Variants in LPP observed in about 807,000 individuals in gnomAD.
The protein encoded by LPP is LIM domain containing preferred translocation partner in lipoma, also known as lipoma-preferred partner.
A neutral mutation model predicts 60.4 loss-of-function variants in LPP; 38 were observed. That is an observed-to-expected ratio of 0.63 (90% CI 0.49 to 0.83). The LOEUF (loss-of-function observed/expected upper bound fraction) is 0.83. Among genes scored for constraint, LPP ranks in the 40% least tolerant of loss-of-function variants. The probability of loss-of-function intolerance (pLI) is 0.00; values close to 1 mark genes in which losing one functional copy is unlikely to be tolerated. For synonymous variants in LPP, 328 were observed against 290.8 expected (o/e 1.13, Z -1.30); for missense variants, 902 against 783.6 (o/e 1.15, Z -1.80).
rs770138440 is a variant in LPP, at chr3:188,609,281, C to T, written c.550C>T (p.Pro184Ser). ...CAAGAAGTCTACATTGAAACCACAGCCTGCACCCCAGGCTGGACCCATCCC... is the reference window on the plus strand; with the variant it reads ...CAAGAAGTCTACATTGAAACCACAGTCTGCACCCCAGGCTGGACCCATCCC... ...ATKKSTLKPQ[P>S]APQAGPIPVA... The change falls in exon 7 of 12, where the codon CCT (proline) becomes TCT (serine). Residue 184 changes from proline (P) to serine (S), a missense_variant. By Grantham distance (74) the Pro-to-Ser change is moderately conservative. Coordinates refer to ENST00000617246, the MANE Select transcript of LPP (RefSeq NM_001375462.1). This position sits in a 1 kb window ranked among gnomAD's most constrained non-coding sequence, Gnocchi z 6.9. The T allele has an allele frequency of 6.2e-7, 1 of 1,614,120 alleles. No individual in the cohort carries two copies. The highest frequency in any genetic ancestry group is 8.5e-7 in the Non-Finnish European group (1 of 1,180,020).
At chr3:188,665,752 C>T (rs1278837108) in intron 7 of LPP, among the ~76,000 whole-genome samples, 1 of 152,150 alleles carries the variant, frequency 6.6e-6, no homozygotes, top group African/African-American at 2.4e-5. Context: ...TGAGCCACCT[C>T]GCCCGGCCAG....
intron 1 of LPP, among the ~76,000 whole-genome samples, chr3:188,167,014 A>G (rs1018522968): frequency 6.6e-6 from 1 of 152,222 alleles, no homozygotes; most frequent in East Asian, 1.9e-4. Context: ...TAGAAACTAC[A>G]TGGATGGTTT....
chr3:188,173,767 G>A (rs1045437557), intron 1 of LPP, among the ~76,000 whole-genome samples: 2 of 152,074 alleles, frequency 1.3e-5, no homozygotes, highest in Non-Finnish European at 2.9e-5. Context: ...AGAGACTGAG[G>A]CCCCCAAAAG....
At chr3:188,277,870 A>G (rs1740540817) in intron 2 of LPP, among the ~76,000 whole-genome samples, 1 of 152,128 alleles carries the variant, frequency 6.6e-6, no homozygotes, top group Admixed American at 6.5e-5. Flanking sequence ...ATCCCTGGCT[A>G]TTGTCATTCG....
chr3:188,730,603 A>G (rs1720098287), intron 8 of LPP, among the ~76,000 whole-genome samples: 1 of 152,200 alleles, frequency 6.6e-6, no homozygotes, highest in Non-Finnish European at 1.5e-5. Context: ...GTCATTCTCA[A>G]ACTGGATCGA....
chr3:188,613,314 A>G (rs553514770), intron 7 of LPP, among the ~76,000 whole-genome samples: 1 of 144,392 alleles, frequency 6.9e-6, no homozygotes, highest in Non-Finnish European at 1.5e-5. Flanking sequence ...CTATATCTAT[A>G]TATATCGCTG....
intron 2 of LPP, among the ~76,000 whole-genome samples, chr3:188,327,984 A>G (rs1758920681): frequency 1.3e-5 from 2 of 152,206 alleles, no homozygotes; most frequent in African/African-American, 4.8e-5. Flanking sequence ...AATAGTGACA[A>G]AAGTGGGAGC....
intron 3 of LPP, among the ~76,000 whole-genome samples, chr3:188,383,393 G>T (rs1443961171): frequency 6.6e-6 from 1 of 152,062 alleles, no homozygotes; most frequent in Non-Finnish European, 1.5e-5. Context: ...AATTTTAATT[G>T]ATTTTTGTTG....
chr3:188,697,008 G>C (rs533829026), intron 7 of LPP, among the ~76,000 whole-genome samples: 1 of 152,228 alleles, frequency 6.6e-6, no homozygotes, highest in Non-Finnish European at 1.5e-5. Context: ...TTGGCTATAA[G>C]CTTATCTTCT....
chr3:188,241,162 C>T (rs1724582508), intron 2 of LPP, among the ~76,000 whole-genome samples: 2 of 152,170 alleles, frequency 1.3e-5, no homozygotes, highest in African/African-American at 2.4e-5. Flanking sequence ...TAGCCTGACA[C>T]TCTAGGAGCA....
At chr3:188,310,203 T>C (rs1393214894) in intron 2 of LPP, among the ~76,000 whole-genome samples, 1 of 152,050 alleles carries the variant, frequency 6.6e-6, no homozygotes, top group Non-Finnish European at 1.5e-5. Flanking sequence ...TGAGTTTTTG[T>C]TAAAGTTGTC....
intron 3 of LPP, among the ~76,000 whole-genome samples, chr3:188,394,133 G>A (rs1315488676): frequency 6.6e-6 from 1 of 152,314 alleles, no homozygotes; most frequent in South Asian, 2.1e-4. Flanking sequence ...AAAGTCGTAA[G>A]GCTACTTTTT....
intron 6 of LPP, among the ~76,000 whole-genome samples, chr3:188,537,608 C>T (rs1227769606): frequency 1.3e-5 from 2 of 152,046 alleles, no homozygotes; most frequent in African/African-American, 4.8e-5. Context: ...TAAAGAAGCC[C>T]TAAATCTATG....
chr3:188,754,111 T>C (rs1251515173), intron 8 of LPP, among the ~76,000 whole-genome samples: 1 of 152,216 alleles, frequency 6.6e-6, no homozygotes, highest in African/African-American at 2.4e-5. Context: ...TGGCTAACAG[T>C]TGACATTCTT....
At chr3:188,775,611 T>C (rs917676919) in intron 9 of LPP, among the ~76,000 whole-genome samples, 2 of 152,220 alleles carry the variant, frequency 1.3e-5, no homozygotes, top group Non-Finnish European at 1.5e-5. Flanking sequence ...GAAGCCAAAC[T>C]GACCTGAGTC....
At chr3:188,178,935 G>T in intron 1 of LPP, 1 of 261,000 alleles carries the variant, frequency 3.8e-6, no homozygotes, top group Non-Finnish European at 7.7e-6. Flanking sequence ...CTGTGGACAT[G>T]CAGGTATATT....
intron 2 of LPP, among the ~76,000 whole-genome samples, chr3:188,288,472 G>T (rs111438910): frequency 6.6e-6 from 1 of 151,954 alleles, no homozygotes; most frequent in Non-Finnish European, 1.5e-5. Flanking sequence ...GCAAAGTGGA[G>T]GTGTAAAAAC....
intron 2 of LPP, among the ~76,000 whole-genome samples, chr3:188,319,408 CATTT>C (rs771157151): frequency 3.5e-4 from 53 of 152,190 alleles, no homozygotes; most frequent in Non-Finnish European, 6.5e-4. Context: ...TTCATTCATT[CATTT>C]ATTTCATTTT....
chr3:188,718,786 A>G (rs1025473644), intron 8 of LPP, among the ~76,000 whole-genome samples: 3 of 152,246 alleles, frequency 2.0e-5, no homozygotes, highest in Non-Finnish European at 2.9e-5. Flanking sequence ...ATAGTAAACT[A>G]TAGGGAGGAA....
Sources: allele counts gnomAD v4.1 joint callset (sites outside exome capture counted in the v4.1 genomes callset), GRCh38; gene constraint gnomAD v4.1.1; non-coding constraint Gnocchi (gnomAD v3.1); transcripts MANE v1.5; gene names NCBI Gene and HGNC (gene_info 2026-07-23, HGNC 2026-07-21).